The following GPS1 variants were observed in gnomAD, a reference collection of about 807,000 sequenced individuals.
The protein encoded by GPS1 is COP9 signalosome complex subunit 1.
GPS1 carries 11 observed loss-of-function variants against 60.0 expected under a neutral mutation model. The ratio of observed to expected loss-of-function variants is 0.18; its 90% CI spans 0.12 to 0.30. GPS1 has a LOEUF of 0.30. GPS1 is among the 10% of genes least tolerant of loss of function. The pLI is 1.00. For synonymous variants in GPS1, 343 were observed against 269.8 expected (o/e 1.27, Z -2.66); for missense variants, 543 against 669.2 (o/e 0.81, Z 2.08).
chr17:82,052,689 G>A, intron 1 of GPS1: 2 of 568,668 alleles, frequency 3.5e-6, no homozygotes, highest in Non-Finnish European at 6.2e-6. Context: ...GCCCGGCATG[G>A]CGGCTTTTCC....
intron 1 of GPS1, chr17:82,052,851 C>T (rs977883205): frequency 5.5e-5 from 14 of 255,412 alleles, no homozygotes; most frequent in South Asian, 4.5e-4. Flanking sequence ...GGACAGATTC[C>T]GGGGGCTGGT....
chr17:82,053,216 C>T, intron 1 of GPS1, 58 bp from the exon 2 acceptor site: 1 of 1,392,576 alleles, frequency 7.2e-7, no homozygotes, highest in South Asian at 1.5e-5. Context: ...GTGCGGGTCT[C>T]TCGCCCTCCT....
upstream of GPS1, chr17:82,051,197 G>GAGA: frequency 7.6e-7 from 1 of 1,307,498 alleles, no homozygotes; most frequent in Non-Finnish European, 9.8e-7. This position sits in a 1 kb window ranked among gnomAD's most constrained non-coding sequence, Gnocchi z 4.1. Flanking sequence ...AGCCTGGGCA[G>GAGA]AGAAAGGCAC....
chr17:82,054,082 G>A (rs1016478845), intron 3 of GPS1, 33 bp downstream of exon 3: 4 of 1,577,122 alleles, frequency 2.5e-6, no homozygotes, highest in East Asian at 2.3e-5. Flanking sequence ...AGGAAGCAGA[G>A]GCCACCAAGG....
chr17:82,054,404 C>T (rs1193384286), intron 3 of GPS1, 106 bp from the exon 4 acceptor site: 3 of 1,385,760 alleles, frequency 2.2e-6, no homozygotes, highest in Non-Finnish European at 1.9e-6. Context: ...AGGTGCCCAC[C>T]TGTGTGCCGG....
chr17:82,057,110 A>T lies in GPS1; in HGVS notation c.1447A>T (p.Met483Leu), dbSNP rs139124726. 54 of 1,573,816 alleles carry T rather than the reference A, an allele frequency of 3.4e-5. No individual in the cohort carries two copies. The highest frequency in any genetic ancestry group is 4.7e-5 in the Non-Finnish European group (54 of 1,158,122). ...ELTPANSQSR[M>L]STNM ...GACTCCAGCCAACAGCCAGTCCCGG[A>T]TGAGCACCAACATGTGAGGGGTGAA... The change falls in exon 13 of 13, where the codon ATG (methionine) becomes TTG (leucine). Residue 483 changes from methionine to leucine, a missense_variant. By Grantham distance (15) the Met-to-Leu change is conservative (BLOSUM62 2). Transcript: ENST00000578552.
Position 82,056,842 on chromosome 17 carries a change from C to T in GPS1, c.1257C>T (p.Ile419=), listed in dbSNP as rs1361240886. 4 of 1,612,482 alleles carry T rather than the reference C, an allele frequency of 2.5e-6. No individual in the cohort carries two copies. The highest frequency in any genetic ancestry group is 2.2e-5 in the East Asian group (1 of 44,868). Residue 419 remains isoleucine, a splice_region_variant and synonymous_variant, in exon 12 of 13, where the codon ATC becomes ATT. Coordinates refer to ENST00000578552, the MANE Select transcript of GPS1 (RefSeq NM_001321092.3). ...ISARVDSHSK[I]LYARDVDQRS... ...CCGCTGAGCTTGTGCCTGCACAGAT[C>T]CTATACGCCCGGGACGTGGATCAGC...
upstream of GPS1, chr17:82,051,026 C>A (rs2030468811): frequency 3.6e-6 from 5 of 1,394,626 alleles, no homozygotes; most frequent in East Asian, 1.3e-4. This position sits in a 1 kb window ranked among gnomAD's most constrained non-coding sequence, Gnocchi z 4.1. Flanking sequence ...CCTGGAAGGG[C>A]GGATTCCCTG....
At chr17:82,053,460 A>G in intron 2 of GPS1, 94 bp downstream of exon 2, 1 of 907,180 alleles carries the variant, frequency 1.1e-6, no homozygotes, top group Non-Finnish European at 1.6e-6. Flanking sequence ...AGGTAGAATG[A>G]TCCTCCTCAG....
chr17:82,054,462 C>T, intron 3 of GPS1, 48 bp from the exon 4 acceptor site: 2 of 1,449,358 alleles, frequency 1.4e-6, no homozygotes, highest in Non-Finnish European at 1.8e-6. Context: ...TCCCCTCCTC[C>T]CTGGCCCCCG....
At chr17:82,051,041 C>A, upstream of GPS1, 1 of 1,389,268 alleles carries the variant, frequency 7.2e-7, no homozygotes. This position sits in a 1 kb window ranked among gnomAD's most constrained non-coding sequence, Gnocchi z 4.1. Flanking sequence ...TCCCTGCTGG[C>A]GCTTCTTCAG....
In GPS1 at chr17:82,051,957, A is replaced by G; in HGVS notation, c.26A>G (p.Asn9Ser). 8.6e-7 allele frequency: 1 copy of G among 1,160,880 alleles called. No homozygotes were observed. Among genetic ancestry groups the G allele is most frequent in the Non-Finnish European group, 1.1e-6 (1 of 941,788 alleles). The allele number at this position is 1,160,880 out of a possible 1,614,324, so 71.9% of individuals were successfully genotyped here. The change falls in exon 1 of 13, where the codon AAC becomes AGC. Residue 9 changes from asparagine to serine, a missense_variant. By Grantham distance (46) the Asn-to-Ser change is conservative. This residue lies in a region of GPS1 where 181 missense variants were observed against 188.8 expected (regional missense o/e 0.96). Coordinates refer to ENST00000578552, the MANE Select transcript of GPS1 (RefSeq NM_001321092.3). This position sits in a 1 kb window ranked among gnomAD's most constrained non-coding sequence, Gnocchi z 4.1. The stretch of plus-strand genomic sequence containing the variant: ...ATGCCGCTGCCGGTTCAGGTGTTTA[A>G]CTTGCAGGTAACGAGCCGAGGCCGC... MPLPVQVFNLQGAVEPMQI... is the reference protein window; with the variant it reads MPLPVQVFSLQGAVEPMQI...
upstream of GPS1, chr17:82,051,819 G>T: frequency 8.8e-7 from 1 of 1,133,330 alleles, no homozygotes; most frequent in Non-Finnish European, 1.1e-6. This position sits in a 1 kb window ranked among gnomAD's most constrained non-coding sequence, Gnocchi z 4.1. Flanking sequence ...CGGAGCCGTG[G>T]GTGGGCGGCG....
intron 2 of GPS1, 61 bp downstream of exon 2, chr17:82,053,427 C>G (rs1459858947): frequency 8.3e-7 from 1 of 1,199,662 alleles, no homozygotes; most frequent in Non-Finnish European, 1.1e-6. Flanking sequence ...CCAGGGCACA[C>G]TCCCCGCTGC....
intron 1 of GPS1, 72 bp downstream of exon 1, chr17:82,052,036 G>A: frequency 4.6e-6 from 5 of 1,079,218 alleles, no homozygotes; most frequent in Non-Finnish European, 5.7e-6. Context: ...CTGAGGTCGA[G>A]CAGGGGCGCG....
At position 82,051,920 on chromosome 17, in the gene GPS1, G is replaced by T; in HGVS notation, c.-12G>T. ...GGAAGTGGACGGCACGCCGCGGCGG[G>T]GTGGGTGCAAGATGCCGCTGCCGGT... On this transcript the variant is annotated 5_prime_UTR_variant, in exon 1 of 13. Coordinates refer to ENST00000578552, the MANE Select transcript of GPS1 (RefSeq NM_001321092.3). The surrounding 1 kb of genome is among the most constrained non-coding windows in gnomAD (Gnocchi z 4.1). 1 of 1,164,458 alleles carries T rather than the reference G, an allele frequency of 8.6e-7. No homozygotes were observed. The highest frequency in any genetic ancestry group is 1.1e-6 in the Non-Finnish European group (1 of 943,420). 72.1% of individuals were successfully genotyped at this position (1,164,458 alleles called of 1,614,324 possible).
upstream of GPS1, chr17:82,051,418 C>A: frequency 7.2e-7 from 1 of 1,391,016 alleles, no homozygotes; most frequent in Non-Finnish European, 9.3e-7. This position sits in a 1 kb window ranked among gnomAD's most constrained non-coding sequence, Gnocchi z 4.1. Context: ...GCGGAGCCTC[C>A]GGGGGCCTGG....
chr17:82,051,667 C>T, upstream of GPS1: 2 of 997,038 alleles, frequency 2.0e-6, no homozygotes, highest in Non-Finnish European at 2.4e-6. The surrounding 1 kb of genome is among the most constrained non-coding windows in gnomAD (Gnocchi z 4.1). Context: ...CGGGCCGGGG[C>T]GGGCGCGCGG....
upstream of GPS1, chr17:82,050,965 G>C (rs548318995): frequency 2.8e-6 from 4 of 1,428,854 alleles, no homozygotes; most frequent in South Asian, 3.0e-5. Flanking sequence ...GCGGCCATCG[G>C]TTGGGATCTC....
Sources: gnomAD v4.1 joint callset for allele counts on GRCh38, gnomAD v4.1.1 for gene constraint, gnomAD v4.1.1 regional missense constraint, Gnocchi (gnomAD v3.1) non-coding constraint, MANE v1.5 for transcripts, NCBI Gene and HGNC (gene_info 2026-07-23, HGNC 2026-07-21) for gene names.